Variants in OR52A5 observed in about 807,000 individuals in gnomAD.
OR52A5 encodes the protein olfactory receptor family 52 subfamily A member 5, also known as olfactory receptor 52A5.
In OR52A5, 16 loss-of-function variants were observed where a neutral mutation model predicts 18.2. The observed-to-expected ratio is 0.88, with a 90% CI of 0.60 to 1.34. OR52A5 has a LOEUF of 1.34. OR52A5 is among the 40% of genes most tolerant of loss of function. The pLI is 0.00. For synonymous variants in OR52A5, 140 were observed against 137.2 expected (o/e 1.02, Z -0.14); for missense variants, 418 against 383.0 (o/e 1.09, Z -0.76).
Position 5,132,457 on chromosome 11 carries a change from G to T in OR52A5, c.186C>A (p.Tyr62Ter). Reference protein sequence around the residue: ...KYENSLHIPMYIFLAMLAATD... With the variant: ...KYENSLHIPM ...TGGCTGCCAACATGGCCAAAAAAAT[G>T]TACATGGGTATATGGAGGCTGTTTT... is the stretch of plus-strand genomic sequence containing the variant. Residue 62 changes from tyrosine to a stop codon, truncating the protein, a stop_gained, in exon 2 of 2, where the codon TAC (tyrosine) becomes TAA (stop). Coordinates refer to ENST00000307388, the MANE Select transcript of OR52A5 (RefSeq NM_001005160.3). LOFTEE classifies it high-confidence loss of function. The T allele has an allele frequency of 6.2e-7, 1 of 1,614,144 alleles. No homozygotes were observed. Among genetic ancestry groups the T allele is most frequent in the Non-Finnish European group, 8.5e-7 (1 of 1,180,006 alleles).
At chr11:5,133,501 G>GT (rs1169201477) in intron 1 of OR52A5, among the ~76,000 whole-genome samples, 11 of 147,316 alleles carry the variant, frequency 7.5e-5, no homozygotes, top group Admixed American at 3.4e-4. Context: ...TCCAGGTTAG[G>GT]TTTTTTGTAG....
chr11:5,137,279 C>T (rs1846400373), intron 1 of OR52A5, among the ~76,000 whole-genome samples: 1 of 152,218 alleles, frequency 6.6e-6, no homozygotes, highest in South Asian at 2.1e-4. Context: ...ACGCTAGAAA[C>T]TTACATCTTG....
At chr11:5,134,547 T>C (rs1191062234) in intron 1 of OR52A5, among the ~76,000 whole-genome samples, 1 of 152,154 alleles carries the variant, frequency 6.6e-6, no homozygotes, top group Non-Finnish European at 1.5e-5. Flanking sequence ...TTTGAAGCAA[T>C]TGAGAAACAA....
chr11:5,132,261 T>C lies in OR52A5; in HGVS notation c.382A>G (p.Ile128Val), dbSNP rs755357743. 1 of 1,614,062 alleles carries C rather than the reference T, an allele frequency of 6.2e-7. No individual in the cohort carries two copies. The highest frequency in any genetic ancestry group is 8.5e-7 in the Non-Finnish European group (1 of 1,180,042). ...GTGGCATGTCTCAAGGGGATACAGA[T>C]GGCCACATAGCGATCCAGGGCCATT... ...LAMALDRYVA[I>V]CIPLRHATIF... Residue 128 changes from isoleucine (I) to valine (V), a missense_variant, in exon 2 of 2, where the codon ATC becomes GTC. Coordinates refer to ENST00000307388, the MANE Select transcript of OR52A5 (RefSeq NM_001005160.3).
chr11:5,133,324 C>T (rs532349702), intron 1 of OR52A5, among the ~76,000 whole-genome samples: 6 of 126,748 alleles, frequency 4.7e-5, no homozygotes, highest in Non-Finnish European at 9.4e-5. Context: ...GCCAAGATCA[C>T]ACCACTGCAC....
rs760645259 is a variant in OR52A5 at position 5,131,705 on chromosome 11, T to C, written c.938A>G (p.Lys313Arg). 7.4e-6 allele frequency: 12 copies of C among 1,610,850 alleles called. No homozygotes were observed. Among genetic ancestry groups the C allele is most frequent in the Admixed American group, 1.7e-5 (1 of 59,794 alleles). The part of the protein sequence containing the change: ...RDHIVKVFFF[K>R]KVT The stretch of plus-strand genomic sequence containing the variant: ...AGTCACTAACGATCAAGTTACTTTT[T>C]TGAAGAAAAACACTTTCACAATATG... Residue 313 changes from lysine (K) to arginine (R), a missense_variant, in exon 2 of 2, where the codon AAA becomes AGA. By Grantham distance (26) the Lys-to-Arg change is conservative. Transcript: ENST00000307388.
At position 5,129,507 on chromosome 11, in the gene OR52A5, A is replaced by G. The variant is rs1187074520; in HGVS notation, c.*2185T>C. 1 of 152,038 alleles carries G rather than the reference A, an allele frequency of 6.6e-6. No homozygotes were observed. The allele number at this position is 152,038 out of a possible 1,614,324, so 9.4% of individuals were successfully genotyped here. ...ATAAATTTCTCTTTTTAAGATGTTC[A>G]TTGCATCATAGTCAGGGCATATCAG... On this transcript the variant is annotated 3_prime_UTR_variant, in exon 2 of 2. Transcript: ENST00000307388.
At chr11:5,137,489 A>G (rs1846402295) in intron 1 of OR52A5, among the ~76,000 whole-genome samples, 2 of 150,988 alleles carry the variant, frequency 1.3e-5, no homozygotes, top group South Asian at 2.1e-4. Flanking sequence ...AAACCTTCCC[A>G]TGACAGAAAA....
intron 1 of OR52A5, among the ~76,000 whole-genome samples, chr11:5,137,996 T>C (rs1846407440): frequency 6.6e-6 from 1 of 152,354 alleles, no homozygotes; most frequent in South Asian, 2.1e-4. Context: ...TCTAAGCACG[T>C]TCAATTTTCT....
At chr11:5,134,722 ATT>A (rs1846375260) in intron 1 of OR52A5, among the ~76,000 whole-genome samples, 1 of 151,624 alleles carries the variant, frequency 6.6e-6, no homozygotes, top group Non-Finnish European at 1.5e-5. Flanking sequence ...TGAAATTAGC[ATT>A]GATTATATTA....
At chr11:5,135,892 G>A (rs11826290) in intron 1 of OR52A5, among the ~76,000 whole-genome samples, 31,309 of 152,060 alleles carry the variant, frequency 0.21, 3,574 homozygotes, top group South Asian at 0.3. Flanking sequence ...TGAGCACTGC[G>A]TCCCAGGCCA....
In OR52A5 at chr11:5,129,538, C is replaced by G. The variant is rs1846315189; in HGVS notation, c.*2154G>C. ...TCATAGTCAGGGCATATCAGTCTGACTCATATCTCAGCCCTCTAGCTGCTG... is the reference window on the plus strand; with the variant it reads ...TCATAGTCAGGGCATATCAGTCTGAGTCATATCTCAGCCCTCTAGCTGCTG... On this transcript the variant is annotated 3_prime_UTR_variant, in exon 2 of 2. Transcript: ENST00000307388. 1 of 152,200 alleles carries G rather than the reference C, an allele frequency of 6.6e-6. No homozygotes were observed. The highest frequency in any genetic ancestry group is 2.4e-5 in the African/African-American group (1 of 41,534). The allele number at this position is 152,200 out of a possible 1,614,324, so 9.4% of individuals were successfully genotyped here.
At position 5,131,548 on chromosome 11, in the gene OR52A5, C is replaced by A; in HGVS notation, c.*144G>T. 7.7e-6 allele frequency: 4 copies of A among 518,622 alleles called. No homozygotes were observed. The highest frequency in any genetic ancestry group is 3.0e-5 in the South Asian group (1 of 33,288). 32.1% of individuals were successfully genotyped at this position (518,622 alleles called of 1,614,324 possible). On this transcript the variant is annotated 3_prime_UTR_variant, in exon 2 of 2. Transcript: ENST00000307388. The stretch of plus-strand genomic sequence containing the variant: ...TTCCAAATTTATCAAAATATAGATT[C>A]AAAGCAAATACTAAAAAGTGAGACA...
chr11:5,133,252 C>T (rs1041365544), intron 1 of OR52A5, among the ~76,000 whole-genome samples: 1 of 151,374 alleles, frequency 6.6e-6, no homozygotes, highest in African/African-American at 2.4e-5. Flanking sequence ...CCTGTAGTCC[C>T]AGCTACTTGG....
Position 5,132,371 on chromosome 11 carries a change from A to T in OR52A5, c.272T>A (p.Leu91Ter), listed in dbSNP as rs999886201. 2.5e-6 allele frequency: 4 copies of T among 1,614,118 alleles called. No homozygotes were observed. Among genetic ancestry groups the T allele is most frequent in the Non-Finnish European group, 3.4e-6 (4 of 1,180,046 alleles). Residue 91 changes from leucine (L) to a stop codon, truncating the protein, a stop_gained, in exon 2 of 2, where the codon TTG (leucine) becomes TAG (stop). Coordinates refer to ENST00000307388, the MANE Select transcript of OR52A5 (RefSeq NM_001005160.3). LOFTEE classifies it high-confidence loss of function. Reference sequence around the variant, plus strand: ...ACAGGCATCAAAAGAAATCTCTGGCAAATGAAACCAGAAGATGCCTAACAT... The same window carrying T: ...ACAGGCATCAAAAGAAATCTCTGGCTAATGAAACCAGAAGATGCCTAACAT... ...PKMLGIFWFH[L>*]PEISFDACLF...
At position 5,128,815 on chromosome 11, in the gene OR52A5, T is replaced by C. The variant is rs1005649103; in HGVS notation, c.*2877A>G. On this transcript the variant is annotated 3_prime_UTR_variant, in exon 2 of 2. Coordinates refer to ENST00000307388, the MANE Select transcript of OR52A5 (RefSeq NM_001005160.3). The stretch of plus-strand genomic sequence containing the variant: ...GATTAGCAGTTGCTAAGACTGGAGA[T>C]GGGGGGAGCAGAAGTAATGGGATGT... 9.2e-5 allele frequency: 14 copies of C among 151,874 alleles called. No homozygotes were observed. Among genetic ancestry groups the C allele is most frequent in the African/African-American group, 2.4e-5 (1 of 41,354 alleles). 9.4% of individuals were successfully genotyped at this position (151,874 alleles called of 1,614,324 possible).
At chr11:5,137,039 G>A (rs910442871) in intron 1 of OR52A5, among the ~76,000 whole-genome samples, 2 of 152,216 alleles carry the variant, frequency 1.3e-5, no homozygotes, top group South Asian at 2.1e-4. Context: ...ATATTATAAA[G>A]TAATGTGACA....
chr11:5,138,261 ATTC>A (rs1177013590), intron 1 of OR52A5, 47 bp downstream of exon 1: 1 of 152,208 alleles, frequency 6.6e-6, no homozygotes, highest in African/African-American at 2.4e-5. Context: ...TTTAGAATGA[ATTC>A]TTCATTTTCC....
chr11:5,137,853 A>G (rs1301568814), intron 1 of OR52A5, among the ~76,000 whole-genome samples: 1 of 152,226 alleles, frequency 6.6e-6, no homozygotes, highest in African/African-American at 2.4e-5. Flanking sequence ...AATCCATTTC[A>G]AATATTGAGA....
Sources: gnomAD v4.1 joint callset for allele counts (sites outside exome capture counted in the v4.1 genomes callset) on GRCh38, gnomAD v4.1.1 for gene constraint, MANE v1.5 for transcripts, NCBI Gene and HGNC (gene_info 2026-07-23, HGNC 2026-07-21) for gene names.